PKD1L1: variants seen among roughly 807,000 people sequenced by gnomAD.
The protein encoded by PKD1L1 is polycystin-1-like protein 1.
Under a neutral mutation model 323.4 loss-of-function variants are expected in PKD1L1, and 236 were observed. The observed-to-expected ratio is 0.73, with a 90% CI of 0.66 to 0.81. The LOEUF is 0.81. PKD1L1 is among the 40% of genes least tolerant of loss of function. The probability of loss-of-function intolerance (pLI) is 0.00; values close to 1 mark genes in which losing one functional copy is unlikely to be tolerated. For synonymous variants in PKD1L1, 1,344 were observed against 1,335.0 expected, an observed-to-expected ratio of 1.01 and a Z score of -0.15; for missense variants, 3,320 against 3,508.0, an observed-to-expected ratio of 0.95 and a Z score of 1.35.
At chr7:47,940,078 G>A (rs73692703) in intron 3 of PKD1L1, 115 bp downstream of exon 3, 2 of 1,376,686 alleles carry the variant, frequency 1.5e-6, no homozygotes, top group African/African-American at 1.4e-5. Context: ...AAACACACAT[G>A]ATAGGAAAAC....
intron 56 of PKD1L1, among the ~76,000 whole-genome samples, chr7:47,781,144 C>T (rs570363221): frequency 1.1e-4 from 17 of 152,286 alleles, no homozygotes; most frequent in East Asian, 1.9e-4. Context: ...AGTTCCCTAA[C>T]GGCTAGTGAT....
chr7:47,829,572 C>G lies in PKD1L1; in HGVS notation c.6588G>C (p.Trp2196Cys). 1 of 1,612,866 alleles carries G rather than the reference C, an allele frequency of 6.2e-7. No individual in the cohort carries two copies. The highest frequency in any genetic ancestry group is 1.1e-5 in the South Asian group (1 of 90,776). The change falls in exon 44 of 57, where the codon TGG becomes TGC. Residue 2196 changes from tryptophan (W) to cysteine (C), a missense_variant. Coordinates refer to ENST00000289672, the MANE Select transcript of PKD1L1 (RefSeq NM_138295.5). ...MVCLMALGFAWKRRADNHFFT... is the reference protein window; with the variant it reads ...MVCLMALGFACKRRADNHFFT... ...AAAAGTGGTTGTCAGCTCTTCTTTTCCAAGCAAAACCCAAGGCCATGAGGC... is the reference window on the plus strand; with the variant it reads ...AAAAGTGGTTGTCAGCTCTTCTTTTGCAAGCAAAACCCAAGGCCATGAGGC...
rs1324183439 is a variant in PKD1L1 at position 47,813,961 on chromosome 7, C to T, written c.7143G>A (p.Gln2381=). ...ATAAATGCCTAGGAAAAACTTTTAG[C>T]TGCCTAATTACGGAACTGCCTATTA... ...CYLIGSSVIR[Q]LKVFPRHLCK... Residue 2381 remains glutamine (Q), a synonymous_variant, in exon 48 of 57, where the codon CAG becomes CAA. Coordinates refer to ENST00000289672, the MANE Select transcript of PKD1L1 (RefSeq NM_138295.5). 3 of 1,614,006 alleles carry T rather than the reference C, an allele frequency of 1.9e-6. No homozygotes were observed. The East Asian group carries it at 6.7e-5, about 36-fold the overall frequency.
chr7:47,833,451 C>T (rs577800575), intron 40 of PKD1L1, among the ~76,000 whole-genome samples, 199 bp from the exon 41 acceptor site: 26 of 152,202 alleles, frequency 1.7e-4, no homozygotes, highest in East Asian at 9.7e-4. Flanking sequence ...CCTTGGGGGA[C>T]GGTGGGTGCC....
At chr7:47,783,700 T>C (rs7797545) in intron 56 of PKD1L1, among the ~76,000 whole-genome samples, 1 of 152,078 alleles carries the variant, frequency 6.6e-6, no homozygotes, top group South Asian at 2.1e-4. Flanking sequence ...GCTGGAGAGA[T>C]GCCTGGAACA....
intron 16 of PKD1L1, among the ~76,000 whole-genome samples, chr7:47,888,846 C>A (rs556621985): frequency 6.6e-6 from 1 of 152,110 alleles, no homozygotes; most frequent in Non-Finnish European, 1.5e-5. Context: ...TTCATAATAT[C>A]TCGGGGGTGG....
chr7:47,811,398 G>A (rs573919332), intron 50 of PKD1L1, among the ~76,000 whole-genome samples: 13 of 152,070 alleles, frequency 8.5e-5, no homozygotes, highest in Non-Finnish European at 1.5e-4. Context: ...CTTGTGATCC[G>A]CCCACCTCGG....
chr7:47,779,737 A>G (rs1160607831), intron 56 of PKD1L1, among the ~76,000 whole-genome samples: 1 of 152,198 alleles, frequency 6.6e-6, no homozygotes, highest in African/African-American at 2.4e-5. Flanking sequence ...AGATGAGGCC[A>G]AAATCTCATT....
chr7:47,809,390 T>G (rs753079788), intron 51 of PKD1L1, 83 bp downstream of exon 51: 24 of 1,106,552 alleles, frequency 2.2e-5, no homozygotes, highest in Non-Finnish European at 3.1e-5. Flanking sequence ...TAGTGCATAA[T>G]CAATTTCTTA....
intron 56 of PKD1L1, among the ~76,000 whole-genome samples, chr7:47,784,765 G>A (rs188535014): frequency 1.4e-4 from 22 of 152,172 alleles, no homozygotes; most frequent in East Asian, 5.8e-4. Flanking sequence ...GAGCCACTGC[G>A]CCCAACCCAC....
intron 15 of PKD1L1, among the ~76,000 whole-genome samples, chr7:47,892,888 C>CAAA (rs375249798): frequency 0.01 from 1,467 of 146,536 alleles, 23 homozygotes; most frequent in African/African-American, 0.034. Flanking sequence ...AAGGGAGGGC[C>CAAA]AAAAAAAAAG....
chr7:47,886,339 C>G (rs1169711754), intron 17 of PKD1L1, among the ~76,000 whole-genome samples: 1 of 152,044 alleles, frequency 6.6e-6, no homozygotes, highest in Non-Finnish European at 1.5e-5. Flanking sequence ...CTGCTGAATC[C>G]TATGCACTCC....
chr7:47,820,947 T>C (rs760495921), intron 46 of PKD1L1, 129 bp downstream of exon 46: 14 of 595,180 alleles, frequency 2.4e-5, no homozygotes, highest in Admixed American at 1.7e-4. Flanking sequence ...GGGGTTTTAT[T>C]ACTACCAGGG....
chr7:47,952,861 A>G (rs1290544640), upstream of PKD1L1, among the ~76,000 whole-genome samples: 2 of 152,210 alleles, frequency 1.3e-5, no homozygotes, highest in Non-Finnish European at 2.9e-5. Context: ...AAAATCCTCA[A>G]TAATTTGAAT....
chr7:47,800,665 G>A lies in PKD1L1; in HGVS notation c.8177C>T (p.Thr2726Ile). 1.2e-6 allele frequency: 2 copies of A among 1,614,114 alleles called. No individual in the cohort carries two copies. Among genetic ancestry groups the A allele is most frequent in the Non-Finnish European group, 1.7e-6 (2 of 1,179,974 alleles). ...YFGILLIVSA[T>I]LCFGMLRGFL... Reference sequence around the variant, plus strand: ...TTTACTTACCATTCCAAAACACAGTGTGGCAGAGACTATTAAAAGGATCCC... The same window carrying A: ...TTTACTTACCATTCCAAAACACAGTATGGCAGAGACTATTAAAAGGATCCC... Residue 2726 changes from threonine (T) to isoleucine (I), a missense_variant, in exon 54 of 57, where the codon ACA (threonine) becomes ATA (isoleucine). Coordinates refer to ENST00000289672, the MANE Select transcript of PKD1L1 (RefSeq NM_138295.5).
chr7:47,780,015 C>T (rs1427615224), intron 56 of PKD1L1, among the ~76,000 whole-genome samples: 2 of 148,158 alleles, frequency 1.3e-5, no homozygotes, highest in Non-Finnish European at 3.0e-5. Flanking sequence ...CTATAACAAC[C>T]TCGTTATTTT....
chr7:47,780,463 C>CT (rs1225883232), intron 56 of PKD1L1, among the ~76,000 whole-genome samples: 1 of 152,070 alleles, frequency 6.6e-6, no homozygotes, highest in South Asian at 2.1e-4. Flanking sequence ...GAAAACCCGT[C>CT]TCTACTAAAA....
chr7:47,936,407 T>C lies in PKD1L1; in HGVS notation c.398+439A>G, dbSNP rs148627883. On this transcript the variant is annotated intron_variant, in intron 4 of 56. Coordinates refer to ENST00000289672, the MANE Select transcript of PKD1L1 (RefSeq NM_138295.5). ...GACTACTCTAGGGACCTCGCATAAG[T>C]AGAATTATAAAGGATGTGTCTTTTT... is the stretch of plus-strand genomic sequence containing the variant. Among the ~76,000 whole-genome samples, 276 of 152,300 alleles carry C rather than the reference T, an allele frequency of 1.8e-3. 3 individuals are homozygous for C. The highest frequency in any genetic ancestry group is 6.0e-3 in the African/African-American group (249 of 41,564).
At position 47,839,560 on chromosome 7, in the gene PKD1L1, C is replaced by T. The variant is rs776934665; in HGVS notation, c.5655G>A (p.Leu1885=). Residue 1885 remains leucine, a synonymous_variant, in exon 36 of 57, where the codon CTG becomes CTA. Coordinates refer to ENST00000289672, the MANE Select transcript of PKD1L1 (RefSeq NM_138295.5). This position sits in a 1 kb window ranked among gnomAD's most constrained non-coding sequence, Gnocchi z 4.3. ...GGAAGAACCAGCCCTGTCCCGTGTG[C>T]AGCTCCTTCACCATCACGTGGCTGA... ...WFISHVMVKE[L]HTGQGWFFPA... 6 of 1,606,992 alleles carry T rather than the reference C, an allele frequency of 3.7e-6. No homozygotes were observed. In the Admixed American group the frequency reaches 1.0e-4, roughly 27 times the overall value.
Sources: allele counts gnomAD v4.1 joint callset (sites outside exome capture counted in the v4.1 genomes callset), GRCh38; gene constraint gnomAD v4.1.1; non-coding constraint Gnocchi (gnomAD v3.1); transcripts MANE v1.5; gene names NCBI Gene and HGNC (gene_info 2026-07-23, HGNC 2026-07-21).